The following CARMIL1 variants were observed in gnomAD, a reference collection of about 807,000 sequenced individuals.
CARMIL1 encodes F-actin-uncapping protein LRRC16A.
Under a neutral mutation model 177.1 loss-of-function variants are expected in CARMIL1, and 90 were observed. The ratio of observed to expected loss-of-function variants is 0.51; its 90% CI spans 0.43 to 0.61. CARMIL1 has a LOEUF of 0.61. Among genes scored for constraint, CARMIL1 ranks in the 20% least tolerant of loss-of-function variants. CARMIL1 has a pLI of 0.00. For missense variants in CARMIL1, 1,380 were observed against 1,667.0 expected, an observed-to-expected ratio of 0.83 and a Z score of 3.00; for synonymous variants, 577 against 606.2, an observed-to-expected ratio of 0.95 and a Z score of 0.71.
chr6:25,414,361 A>G (rs997748893), intron 2 of CARMIL1, among the ~76,000 whole-genome samples: 4 of 152,194 alleles, frequency 2.6e-5, no homozygotes, highest in Non-Finnish European at 5.9e-5. Context: ...ATACAAACAG[A>G]AAGAGTTGGT....
chr6:25,526,555 T>G (rs1807162453), intron 23 of CARMIL1, among the ~76,000 whole-genome samples: 2 of 146,724 alleles, frequency 1.4e-5, no homozygotes, highest in Non-Finnish European at 3.0e-5. Context: ...TCTTCTGTTC[T>G]TTTTTTTTTT....
intron 2 of CARMIL1, among the ~76,000 whole-genome samples, chr6:25,315,458 C>T (rs927515532): frequency 1.3e-5 from 2 of 152,240 alleles, no homozygotes; most frequent in Non-Finnish European, 2.9e-5. Flanking sequence ...TAAGGGCTCC[C>T]TAAATGCCCA....
intron 2 of CARMIL1, among the ~76,000 whole-genome samples, chr6:25,355,651 G>A (rs1201378403): frequency 6.6e-6 from 1 of 152,118 alleles, no homozygotes; most frequent in African/African-American, 2.4e-5. Flanking sequence ...CCCAGCCTGG[G>A]TGACAGAGCA....
intron 2 of CARMIL1, among the ~76,000 whole-genome samples, chr6:25,336,635 A>G (rs775069397): frequency 3.6e-4 from 55 of 152,182 alleles, no homozygotes; most frequent in Non-Finnish European, 6.9e-4. Flanking sequence ...GTTGCTCACA[A>G]TCTAGTATTA....
At chr6:25,458,048 GATA>G (rs763878336) in intron 8 of CARMIL1, among the ~76,000 whole-genome samples, 6 of 151,998 alleles carry the variant, frequency 3.9e-5, no homozygotes, top group African/African-American at 1.5e-4. Flanking sequence ...AATTAGTACT[GATA>G]ATAATAACTA....
chr6:25,480,896 A>G (rs567476573), intron 11 of CARMIL1, among the ~76,000 whole-genome samples: 4 of 151,382 alleles, frequency 2.6e-5, no homozygotes, highest in Non-Finnish European at 5.9e-5. Context: ...AATTTTTTGT[A>G]TTTTTAGTAG....
At chr6:25,559,543 G>A (rs1178494055) in intron 29 of CARMIL1, among the ~76,000 whole-genome samples, 2 of 139,270 alleles carry the variant, frequency 1.4e-5, no homozygotes, top group Admixed American at 7.4e-5. Flanking sequence ...AAAACCCCTG[G>A]TGGGTAGAAT....
chr6:25,417,554 T>G (rs1024388219), intron 2 of CARMIL1, among the ~76,000 whole-genome samples: 6 of 152,152 alleles, frequency 3.9e-5, no homozygotes, highest in Non-Finnish European at 5.9e-5. Flanking sequence ...GCTGAGAGCT[T>G]TGTGGATCTC....
rs115205893 is a variant in CARMIL1, at chr6:25,295,460, G to C, written c.138+10551G>C. ...ATATTTATTTCTCTTGGATAAATTC[G>C]TGGAAGTGGAATCATTGCCATCATT... On this transcript the variant is annotated intron_variant, in intron 2 of 36. Coordinates refer to ENST00000329474, the MANE Select transcript of CARMIL1 (RefSeq NM_017640.6). 3.6e-3 allele frequency among the ~76,000 whole-genome samples: 552 copies of C among 152,140 alleles called. 2 individuals are homozygous for C. Among genetic ancestry groups the C allele is most frequent in the African/African-American group, 0.013 (534 of 41,510 alleles).
intron 3 of CARMIL1, among the ~76,000 whole-genome samples, chr6:25,425,462 A>G (rs947622011): frequency 2.0e-5 from 3 of 152,168 alleles, no homozygotes; most frequent in Non-Finnish European, 2.9e-5. Flanking sequence ...ACATACCACC[A>G]GGGAGCAGAA....
At chr6:25,351,802 T>C (rs1275674471) in intron 2 of CARMIL1, among the ~76,000 whole-genome samples, 1 of 152,142 alleles carries the variant, frequency 6.6e-6, no homozygotes, top group African/African-American at 2.4e-5. Flanking sequence ...TGAATGACGA[T>C]TGTGGAAAAT....
At chr6:25,384,626 G>A (rs1791968745) in intron 2 of CARMIL1, among the ~76,000 whole-genome samples, 1 of 152,198 alleles carries the variant, frequency 6.6e-6, no homozygotes, top group Non-Finnish European at 1.5e-5. Context: ...AACAAACATT[G>A]CTATTTTTAG....
chr6:25,482,211 A>C (rs377460677), intron 11 of CARMIL1, 46 bp from the exon 12 acceptor site: 1 of 955,658 alleles, frequency 1.0e-6, no homozygotes. Context: ...AAAAAATGCA[A>C]TTCTGAGAAC....
chr6:25,528,939 C>T (rs559279761), intron 24 of CARMIL1, 46 bp downstream of exon 24: 11 of 1,434,706 alleles, frequency 7.7e-6, no homozygotes, highest in South Asian at 3.7e-5. Flanking sequence ...TCTTAACTGA[C>T]CCTCTGAGAG....
At chr6:25,539,803 A>T in intron 25 of CARMIL1, 144 bp from the exon 26 acceptor site, 1 of 526,864 alleles carries the variant, frequency 1.9e-6, no homozygotes. Flanking sequence ...TCTGGACCTC[A>T]GTTTATTAAT....
At chr6:25,348,218 C>T (rs1327724718) in intron 2 of CARMIL1, among the ~76,000 whole-genome samples, 2 of 151,988 alleles carry the variant, frequency 1.3e-5, no homozygotes, top group African/African-American at 2.4e-5. Flanking sequence ...CTGCAACCTC[C>T]GCCTCCCGGG....
intron 2 of CARMIL1, among the ~76,000 whole-genome samples, chr6:25,395,149 A>C (rs1043231077): frequency 6.6e-6 from 1 of 152,358 alleles, no homozygotes; most frequent in Non-Finnish European, 1.5e-5. Context: ...ATTGGCTTAC[A>C]TCATTGTAAG....
At chr6:25,387,257 A>G (rs987633705) in intron 2 of CARMIL1, among the ~76,000 whole-genome samples, 3 of 152,210 alleles carry the variant, frequency 2.0e-5, no homozygotes, top group East Asian at 1.9e-4. Flanking sequence ...GTTTATAGTT[A>G]TAGGTCTACA....
intron 29 of CARMIL1, among the ~76,000 whole-genome samples, chr6:25,570,257 C>G (rs902804326): frequency 1.3e-5 from 2 of 152,208 alleles, no homozygotes; most frequent in Non-Finnish European, 2.9e-5. Context: ...AGCCACTGCA[C>G]CTGGCATTTT....
Sources: gnomAD v4.1 joint callset for allele counts (sites outside exome capture counted in the v4.1 genomes callset) on GRCh38, gnomAD v4.1.1 for gene constraint, MANE v1.5 for transcripts, NCBI Gene and HGNC (gene_info 2026-07-23, HGNC 2026-07-21) for gene names.